CLOCK: variants seen among roughly 807,000 people sequenced by gnomAD.
The protein encoded by CLOCK is clock circadian regulator, also known as circadian locomoter output cycles protein kaput.
CLOCK carries 43 observed loss-of-function variants against 118.4 expected under a neutral mutation model. The ratio of observed to expected loss-of-function variants is 0.36; its 90% CI spans 0.28 to 0.47. CLOCK has a LOEUF of 0.47. Ranked by LOEUF, CLOCK falls within the 20% of genes least tolerant of loss-of-function variation. The pLI, the probability that CLOCK is intolerant of heterozygous loss-of-function variation, is 1.00. For synonymous variants in CLOCK, 326 were observed against 339.2 expected, an observed-to-expected ratio of 0.96 and a Z score of 0.43; for missense variants, 846 against 999.9, an observed-to-expected ratio of 0.85 and a Z score of 2.08.
At chr4:55,524,499 CAG>C (rs1378514268) in intron 1 of CLOCK, among the ~76,000 whole-genome samples, 1 of 152,162 alleles carries the variant, frequency 6.6e-6, no homozygotes, top group East Asian at 1.9e-4. Context: ...TTTTTACACT[CAG>C]AAATATAATT....
intron 1 of CLOCK, among the ~76,000 whole-genome samples, chr4:55,534,713 T>C (rs1382860067): frequency 6.6e-6 from 1 of 152,052 alleles, no homozygotes; most frequent in Non-Finnish European, 1.5e-5. Context: ...GCTCAATAAA[T>C]ACTTGCTGAA....
In CLOCK at chr4:55,431,957, T is replaced by C. The variant is rs1182280303; in HGVS notation, c.*3458A>G. On this transcript the variant is annotated 3_prime_UTR_variant, in exon 23 of 23. Transcript: ENST00000513440. ...TCAGTGCTCCTAGCGTCAAGCAGAC[T>C]GCTTTAAGGCAATGACCAACAACTA... The C allele has an allele frequency of 6.6e-6, 1 of 152,242 alleles. No individual in the cohort carries two copies. Among genetic ancestry groups the C allele is most frequent in the Non-Finnish European group, 1.5e-5 (1 of 68,042 alleles). The allele number at this position is 152,242 out of a possible 1,614,324, so 9.4% of individuals were successfully genotyped here.
intron 2 of CLOCK, among the ~76,000 whole-genome samples, chr4:55,489,702 G>A (rs1188469729): frequency 2.0e-5 from 3 of 152,058 alleles, no homozygotes; most frequent in African/African-American, 7.2e-5. Flanking sequence ...TTAAAAAACT[G>A]TAACTATAAA....
Position 55,435,378 on chromosome 4 carries a change from C to G in CLOCK, c.*37G>C. ...CTGAGTAACTCTTAATGGGCCATCC[C>G]CTTCCTCCCTTGATGTCAAGAGAGG... is the stretch of plus-strand genomic sequence containing the variant. On this transcript the variant is annotated 3_prime_UTR_variant, in exon 23 of 23. Transcript: ENST00000513440. 6.2e-7 allele frequency: 1 copy of G among 1,611,952 alleles called. No homozygotes were observed. The highest frequency in any genetic ancestry group is 2.2e-5 in the East Asian group (1 of 44,844).
intron 1 of CLOCK, among the ~76,000 whole-genome samples, chr4:55,538,969 T>C (rs1731078958): frequency 6.6e-6 from 1 of 152,172 alleles, no homozygotes; most frequent in Non-Finnish European, 1.5e-5. Context: ...CAGTGGCTCA[T>C]GCCTGTAATC....
At chr4:55,521,604 C>T (rs114924440) in intron 1 of CLOCK, among the ~76,000 whole-genome samples, 4,428 of 152,280 alleles carry the variant, frequency 0.029, 79 homozygotes, top group Middle Eastern at 0.051. Context: ...TATGGTTATA[C>T]CATACCACGG....
At chr4:55,447,257 C>G (rs1723936558) in intron 18 of CLOCK, among the ~76,000 whole-genome samples, 1 of 152,018 alleles carries the variant, frequency 6.6e-6, no homozygotes, top group Admixed American at 6.6e-5. Flanking sequence ...GTCCCAGCTA[C>G]TCGGGAGACT....
chr4:55,448,563 T>C (rs767872898), intron 18 of CLOCK, among the ~76,000 whole-genome samples: 2 of 151,760 alleles, frequency 1.3e-5, no homozygotes, highest in Non-Finnish European at 2.9e-5. Context: ...TCACTGCATC[T>C]GTAACTATAA....
chr4:55,502,427 C>G (rs531257056), intron 2 of CLOCK, among the ~76,000 whole-genome samples: 1 of 152,232 alleles, frequency 6.6e-6, no homozygotes, highest in East Asian at 1.9e-4. Context: ...TGCATTACAA[C>G]AAAAGTACTA....
chr4:55,504,294 A>AAC (rs1465432635), intron 2 of CLOCK, among the ~76,000 whole-genome samples: 1 of 150,530 alleles, frequency 6.6e-6, no homozygotes, highest in East Asian at 1.9e-4. Flanking sequence ...AAAAAAAAAA[A>AAC]AAAAAAAAAA....
At chr4:55,531,428 C>T (rs1417025573) in intron 1 of CLOCK, among the ~76,000 whole-genome samples, 1 of 151,996 alleles carries the variant, frequency 6.6e-6, no homozygotes, top group Non-Finnish European at 1.5e-5. Context: ...TTAACCAGGC[C>T]AGGCGTGGTG....
intron 3 of CLOCK, among the ~76,000 whole-genome samples, chr4:55,484,182 A>C (rs1004619756): frequency 3.6e-5 from 5 of 140,520 alleles, no homozygotes; most frequent in African/African-American, 9.9e-5. Flanking sequence ...TGAGGGGCTC[A>C]GAATATTTTT....
chr4:55,508,408 T>C (rs1728940858), intron 2 of CLOCK, among the ~76,000 whole-genome samples: 1 of 152,174 alleles, frequency 6.6e-6, no homozygotes, highest in Non-Finnish European at 1.5e-5. Context: ...AATTAGAATA[T>C]GTGTAATACT....
At chr4:55,518,371 A>G (rs1413638541) in intron 1 of CLOCK, among the ~76,000 whole-genome samples, 1 of 152,130 alleles carries the variant, frequency 6.6e-6, no homozygotes, top group African/African-American at 2.4e-5. Context: ...TCTGGCAAAG[A>G]TTTTCCCACA....
intron 2 of CLOCK, among the ~76,000 whole-genome samples, chr4:55,506,026 T>G (rs1386730410): frequency 2.0e-5 from 3 of 152,076 alleles, no homozygotes; most frequent in Admixed American, 2.0e-4. Flanking sequence ...TCAGGAAACT[T>G]AACAGTTATA....
intron 2 of CLOCK, among the ~76,000 whole-genome samples, chr4:55,494,461 GA>G (rs982520421): frequency 6.6e-6 from 1 of 152,160 alleles, no homozygotes; most frequent in Non-Finnish European, 1.5e-5. Context: ...TTCTTAAGAG[GA>G]AAGGACCTTT....
At chr4:55,493,675 C>T (rs1481125236) in intron 2 of CLOCK, among the ~76,000 whole-genome samples, 1 of 152,144 alleles carries the variant, frequency 6.6e-6, no homozygotes, top group African/African-American at 2.4e-5. Context: ...TCAATTTATT[C>T]AATATTGAAT....
chr4:55,486,236 G>A (rs980324131), intron 3 of CLOCK, among the ~76,000 whole-genome samples: 1 of 152,010 alleles, frequency 6.6e-6, no homozygotes, highest in Non-Finnish European at 1.5e-5. Context: ...ACCTAGTTTT[G>A]TTTATACTTA....
rs58368138 is a variant in CLOCK, at chr4:55,542,379, ATATTAT to A, written c.-290+4397_-290+4402del. On this transcript the variant is annotated intron_variant, in intron 1 of 22. Coordinates refer to ENST00000513440, the MANE Select transcript of CLOCK (RefSeq NM_004898.4). ...AATAATAATAATAATAATAATAATA[ATATTAT>A]TATTATTATTATTATTAATGTCTAT... Among the ~76,000 whole-genome samples the A allele has an allele frequency of 2.6e-3, 148 of 56,554 alleles. 1 individual carries two copies. Among genetic ancestry groups the A allele is most frequent in the African/African-American group, 0.012 (134 of 11,358 alleles). 37.1% of individuals were successfully genotyped at this position (56,554 alleles called of 152,430 possible).
Sources: allele counts gnomAD v4.1 joint callset (sites outside exome capture counted in the v4.1 genomes callset), GRCh38; gene constraint gnomAD v4.1.1; transcripts MANE v1.5; gene names NCBI Gene and HGNC (gene_info 2026-07-23, HGNC 2026-07-21).